The following LPP variants were observed in gnomAD, a reference collection of about 807,000 sequenced individuals.
LPP encodes LIM domain containing preferred translocation partner in lipoma.
A neutral mutation model predicts 60.4 loss-of-function variants in LPP; 38 were observed. The ratio of observed to expected loss-of-function variants is 0.63; its 90% CI spans 0.49 to 0.83. LPP has a LOEUF of 0.83. Among genes scored for constraint, LPP ranks in the 40% least tolerant of loss-of-function variants. LPP has a pLI of 0.00. For missense variants in LPP, 902 were observed against 783.6 expected (o/e 1.15, Z -1.80); for synonymous variants, 328 against 290.8 (o/e 1.13, Z -1.30).
At chr3:188,350,124 C>T (rs1221085276) in intron 3 of LPP, among the ~76,000 whole-genome samples, 2 of 152,184 alleles carry the variant, frequency 1.3e-5, no homozygotes, top group African/African-American at 4.8e-5. Flanking sequence ...CGAACTGTGG[C>T]TCTCAGACCA....
intron 2 of LPP, among the ~76,000 whole-genome samples, chr3:188,307,237 G>A (rs1456256904): frequency 6.6e-6 from 1 of 152,186 alleles, no homozygotes; most frequent in African/African-American, 2.4e-5. Context: ...AATGTGACAG[G>A]TAGCTTTGAA....
At chr3:188,431,978 C>T (rs902026480) in intron 4 of LPP, among the ~76,000 whole-genome samples, 2 of 152,132 alleles carry the variant, frequency 1.3e-5, no homozygotes, top group African/African-American at 2.4e-5. Flanking sequence ...CCTTACACAT[C>T]TTTTTCTCTA....
At chr3:188,430,106 G>C (rs1790517317) in intron 4 of LPP, among the ~76,000 whole-genome samples, 1 of 151,972 alleles carries the variant, frequency 6.6e-6, no homozygotes, top group African/African-American at 2.4e-5. Context: ...GACAAATAGG[G>C]TTTATCTATA....
At chr3:188,835,601 A>C (rs1758262579) in intron 9 of LPP, among the ~76,000 whole-genome samples, 1 of 152,136 alleles carries the variant, frequency 6.6e-6, no homozygotes, top group African/African-American at 2.4e-5. Flanking sequence ...CCTAGGTGAC[A>C]GAGTGAGGCT....
chr3:188,715,354 G>C (rs1393039330), intron 8 of LPP, among the ~76,000 whole-genome samples: 1 of 124,058 alleles, frequency 8.1e-6, no homozygotes, highest in African/African-American at 3.0e-5. Context: ...CTCCAGCCTG[G>C]TGACAGAGGG....
intron 4 of LPP, among the ~76,000 whole-genome samples, chr3:188,454,951 A>T (rs1205611060): frequency 6.6e-6 from 1 of 152,218 alleles, no homozygotes; most frequent in African/African-American, 2.4e-5. Flanking sequence ...AAGTTTTAGA[A>T]GGTGTTCACA....
intron 7 of LPP, among the ~76,000 whole-genome samples, chr3:188,623,517 C>CG (rs1241868494): frequency 6.6e-6 from 1 of 152,132 alleles, no homozygotes; most frequent in Non-Finnish European, 1.5e-5. Flanking sequence ...CTTGGCCCCC[C>CG]AAAGTCCTGG....
intron 6 of LPP, among the ~76,000 whole-genome samples, chr3:188,598,473 G>A (rs1840413864): frequency 6.6e-6 from 1 of 152,040 alleles, no homozygotes; most frequent in African/African-American, 2.4e-5. Flanking sequence ...ACGGTAACTA[G>A]TAGAGAGAAT....
At chr3:188,574,891 CT>C (rs911245272) in intron 6 of LPP, among the ~76,000 whole-genome samples, 15 of 151,908 alleles carry the variant, frequency 9.9e-5, no homozygotes, top group African/African-American at 3.4e-4. Flanking sequence ...TTTTTTCTGT[CT>C]TTTTTTTCAT....
intron 3 of LPP, among the ~76,000 whole-genome samples, chr3:188,369,034 A>G (rs896949089): frequency 6.6e-6 from 1 of 152,160 alleles, no homozygotes; most frequent in African/African-American, 2.4e-5. Context: ...CAAGTGCTTA[A>G]GGGATATTGC....
intron 3 of LPP, among the ~76,000 whole-genome samples, chr3:188,379,095 T>G (rs568065716): frequency 1.7e-4 from 26 of 152,140 alleles, no homozygotes; most frequent in African/African-American, 6.0e-4. Context: ...TCTTTCTTTT[T>G]TTTTTTCTTC....
intron 5 of LPP, among the ~76,000 whole-genome samples, chr3:188,514,822 C>T (rs1234081090): frequency 6.6e-6 from 1 of 152,120 alleles, no homozygotes; most frequent in Non-Finnish European, 1.5e-5. Flanking sequence ...TGTCACTGTC[C>T]AAAAGTTAGG....
At chr3:188,630,985 C>T (rs1365974805) in intron 7 of LPP, among the ~76,000 whole-genome samples, 1 of 152,028 alleles carries the variant, frequency 6.6e-6, no homozygotes, top group Non-Finnish European at 1.5e-5. Context: ...TACACATGGT[C>T]ACCAAGAGGG....
chr3:188,475,369 C>T (rs1242439158), intron 4 of LPP, among the ~76,000 whole-genome samples: 1 of 152,146 alleles, frequency 6.6e-6, no homozygotes, highest in Non-Finnish European at 1.5e-5. Context: ...TAAAATTAAA[C>T]GCTGGGTTTG....
At chr3:188,276,412 C>T (rs911125115) in intron 2 of LPP, among the ~76,000 whole-genome samples, 3 of 152,168 alleles carry the variant, frequency 2.0e-5, no homozygotes, top group African/African-American at 7.2e-5. Context: ...TGTTGTAAGT[C>T]ACAGAACCTG....
intron 7 of LPP, among the ~76,000 whole-genome samples, chr3:188,680,418 T>C (rs531177183): frequency 6.6e-6 from 1 of 152,354 alleles, no homozygotes; most frequent in Non-Finnish European, 1.5e-5. Flanking sequence ...ATCTTTCATA[T>C]GAAAGAAGAC....
rs147132086 is a variant in LPP at position 188,335,717 on chromosome 3, T to C, written c.-66-5946T>C. ...TTATTTTGAATTCCTTTTCTGGCAT[T>C]TTATTGATTTCTTTTTTACTGGAGT... is the stretch of plus-strand genomic sequence containing the variant. On this transcript the variant is annotated intron_variant, in intron 2 of 11. Transcript: ENST00000617246. Among the ~76,000 whole-genome samples, 4 of 152,328 alleles carry C rather than the reference T, an allele frequency of 2.6e-5. No homozygotes were observed. In the East Asian group the frequency reaches 7.7e-4, roughly 29 times the overall value.
intron 2 of LPP, among the ~76,000 whole-genome samples, chr3:188,288,151 T>A (rs1045553842): frequency 3.9e-5 from 6 of 152,204 alleles, no homozygotes; most frequent in African/African-American, 1.2e-4. Flanking sequence ...GCTTTTTTGT[T>A]TTGGAAATAA....
intron 1 of LPP, among the ~76,000 whole-genome samples, chr3:188,187,059 C>G (rs1348742343): frequency 1.3e-5 from 2 of 152,112 alleles, no homozygotes; most frequent in Non-Finnish European, 2.9e-5. Flanking sequence ...TCCACTTTTC[C>G]TCTCCACATT....
Sources: gnomAD v4.1 joint callset for allele counts (sites outside exome capture counted in the v4.1 genomes callset) on GRCh38, gnomAD v4.1.1 for gene constraint, MANE v1.5 for transcripts, NCBI Gene and HGNC (gene_info 2026-07-23, HGNC 2026-07-21) for gene names.